ANKRD40: variants seen among roughly 807,000 people sequenced by gnomAD.
The protein encoded by ANKRD40 is ankyrin repeat domain 40, also known as ankyrin repeat domain-containing protein 40.
ANKRD40 carries 24 observed loss-of-function variants against 35.5 expected under a neutral mutation model. That is an observed-to-expected ratio of 0.68 (90% confidence interval 0.49 to 0.95). ANKRD40 has a LOEUF of 0.95. Among genes scored for constraint, ANKRD40 ranks in the 40% least tolerant of loss-of-function variants. ANKRD40 has a pLI of 0.00. For synonymous variants in ANKRD40, 147 were observed against 173.5 expected (o/e 0.85, Z 1.20); for missense variants, 361 against 436.0 (o/e 0.83, Z 1.53).
chr17:50,700,780 A>G (rs1373619594), intron 1 of ANKRD40, 64 bp from the exon 2 acceptor site: 1 of 1,493,066 alleles, frequency 6.7e-7, no homozygotes, highest in African/African-American at 1.4e-5. Flanking sequence ...GATTCTAAAC[A>G]TTAGTAAATA....
rs1450918444 is a variant in ANKRD40, at chr17:50,694,258, T to C, written c.*1739A>G. On this transcript the variant is annotated 3_prime_UTR_variant, in exon 5 of 5. Transcript: ENST00000285243. ...GGGTGAGTAAGTCACCAGCAGTAATTGGTGGGATACAATTAAGTCACTAAA... is the reference window on the plus strand; with the variant it reads ...GGGTGAGTAAGTCACCAGCAGTAATCGGTGGGATACAATTAAGTCACTAAA... The C allele has an allele frequency of 1.3e-5, 2 of 152,038 alleles. No homozygotes were observed. Among genetic ancestry groups the C allele is most frequent in the African/African-American group, 4.8e-5 (2 of 41,356 alleles). The allele number at this position is 152,038 out of a possible 1,614,324, so 9.4% of individuals were successfully genotyped here.
At chr17:50,700,463 A>AAAAG in intron 2 of ANKRD40, 105 bp downstream of exon 2, 1 of 1,231,072 alleles carries the variant, frequency 8.1e-7, no homozygotes. Context: ...AAAAAAAAGA[A>AAAAG]AGAAATAGAG....
At chr17:50,701,557 G>A (rs755697736) in intron 1 of ANKRD40, among the ~76,000 whole-genome samples, 1 of 152,204 alleles carries the variant, frequency 6.6e-6, no homozygotes, top group Non-Finnish European at 1.5e-5. Context: ...TAATTAGCAT[G>A]CCAGCAAAAA....
At chr17:50,700,077 A>G (rs78012840) in intron 2 of ANKRD40, among the ~76,000 whole-genome samples, 184 bp from the exon 3 acceptor site, 1 of 152,340 alleles carries the variant, frequency 6.6e-6, no homozygotes, top group East Asian at 1.9e-4. Context: ...AAATAAAAAA[A>G]TAAAACCTTA....
intron 3 of ANKRD40, among the ~76,000 whole-genome samples, chr17:50,698,550 T>C (rs1356618254): frequency 1.3e-5 from 2 of 151,872 alleles, no homozygotes; most frequent in African/African-American, 4.8e-5. Context: ...AGATCAAAAA[T>C]GATAAAGGGT....
At position 50,700,574 on chromosome 17, in the gene ANKRD40, TA is replaced by T; in HGVS notation, c.276del (p.Met93TrpfsTer19). On this transcript the variant is annotated frameshift_variant, in exon 2 of 5. Transcript: ENST00000285243. LOFTEE classifies it high-confidence loss of function. ...CCCCCAAACACAGACTCACCTCCCA[TA>T]ATCTTCCTGATTTCTCTCCTTGATG... is the stretch of plus-strand genomic sequence containing the variant. Reference protein sequence around the residue: ...QLTSRREIRKIMGVEEEDDDD... With the variant: ...QLTSRREIRKXMGVEEEDDDD... 3.7e-6 allele frequency: 6 copies of T among 1,612,646 alleles called. No individual in the cohort carries two copies. Among genetic ancestry groups the T allele is most frequent in the Non-Finnish European group, 5.1e-6 (6 of 1,179,090 alleles).
intron 1 of ANKRD40, among the ~76,000 whole-genome samples, chr17:50,705,570 A>T (rs980290409): frequency 6.6e-6 from 1 of 152,018 alleles, no homozygotes; most frequent in Non-Finnish European, 1.5e-5. Context: ...GCTGGTCTCA[A>T]ACTTCTGGAC....
rs958674369 is a variant in ANKRD40, at chr17:50,695,284, C to T, written c.*713G>A. On this transcript the variant is annotated 3_prime_UTR_variant, in exon 5 of 5. Transcript: ENST00000285243. ...GCATCAGAGAGCCCTCTAGTGACCACGAAGGGGAGTTAATGCAGAGATGAC... is the reference window on the plus strand; with the variant it reads ...GCATCAGAGAGCCCTCTAGTGACCATGAAGGGGAGTTAATGCAGAGATGAC... The T allele has an allele frequency of 2.0e-5, 3 of 152,042 alleles. No individual in the cohort carries two copies. Among genetic ancestry groups the T allele is most frequent in the East Asian group, 1.9e-4 (1 of 5,198 alleles). 9.4% of individuals were successfully genotyped at this position (152,042 alleles called of 1,614,324 possible). A position where few individuals can be genotyped will look rare whatever the true frequency, so the allele number is the denominator to read the frequency against.
intron 3 of ANKRD40, 70 bp downstream of exon 3, chr17:50,699,329 C>A: frequency 6.5e-7 from 1 of 1,547,200 alleles, no homozygotes; most frequent in African/African-American, 1.4e-5. Flanking sequence ...ACCCAGAATA[C>A]CTCATTAAAT....
At chr17:50,706,068 T>G (rs749635003) in intron 1 of ANKRD40, among the ~76,000 whole-genome samples, 46 of 152,062 alleles carry the variant, frequency 3.0e-4, no homozygotes, top group Non-Finnish European at 1.3e-4. Flanking sequence ...CTCTCTCCAT[T>G]GTCCCTTTCA....
At chr17:50,701,303 G>A (rs1968269156) in intron 1 of ANKRD40, among the ~76,000 whole-genome samples, 1 of 152,050 alleles carries the variant, frequency 6.6e-6, no homozygotes, top group Admixed American at 6.5e-5. Flanking sequence ...TTAAAAAGTT[G>A]GCTTCTCTAG....
Position 50,694,230 on chromosome 17 carries a change from C to G in ANKRD40, c.*1767G>C, listed in dbSNP as rs1364754107. ...TTCACTCTGCTATGCAAACACTGTA[C>G]AAGGGTGAGTAAGTCACCAGCAGTA... is the stretch of plus-strand genomic sequence containing the variant. On this transcript the variant is annotated 3_prime_UTR_variant, in exon 5 of 5. Coordinates refer to ENST00000285243, the MANE Select transcript of ANKRD40 (RefSeq NM_052855.4). 6.6e-6 allele frequency: 1 copy of G among 151,274 alleles called. No individual in the cohort carries two copies. The highest frequency in any genetic ancestry group is 1.5e-5 in the Non-Finnish European group (1 of 67,910). The allele number at this position is 151,274 out of a possible 1,614,324, so 9.4% of individuals were successfully genotyped here.
Position 50,707,420 on chromosome 17 carries a change from G to T in ANKRD40, c.134+101C>A. 1 of 1,498,510 alleles carries T rather than the reference G, an allele frequency of 6.7e-7. No individual in the cohort carries two copies. The highest frequency in any genetic ancestry group is 8.9e-7 in the Non-Finnish European group (1 of 1,117,980). 92.8% of individuals were successfully genotyped at this position (1,498,510 alleles called of 1,614,324 possible). A position where few individuals can be genotyped will look rare whatever the true frequency, so the allele number is the denominator to read the frequency against. ...TCGGAGGCCCGAGGTGGCAGGCCTC[G>T]CCGTAGCCAGGCGTCCCGCGCTGGG... On this transcript the variant is annotated intron_variant, in intron 1 of 4. Coordinates refer to ENST00000285243, the MANE Select transcript of ANKRD40 (RefSeq NM_052855.4). The surrounding 1 kb of genome is among the most constrained non-coding windows in gnomAD (Gnocchi z 4.8).
intron 1 of ANKRD40, among the ~76,000 whole-genome samples, chr17:50,705,648 C>G (rs1968325704): frequency 6.6e-6 from 1 of 150,596 alleles, no homozygotes; most frequent in South Asian, 2.1e-4. Flanking sequence ...CAGGTCCTAC[C>G]AGGAAGATAG....
chr17:50,707,555 C>T lies in ANKRD40; in HGVS notation c.100G>A (p.Val34Met). ...ACCTCATTTTGGGAGTTCACATCCA[C>T]CCCGCTCTCCACCAGTTTCTGCACC... Reference protein sequence around the residue: ...REVQKLVESGVDVNSQNEVNG... With the variant: ...REVQKLVESGMDVNSQNEVNG... The change falls in exon 1 of 5, where the codon GTG (valine) becomes ATG (methionine). Residue 34 changes from valine to methionine, a missense_variant. Val to Met is a conservative substitution (Grantham distance 21). Around this residue, in one of 5 missense-constraint regions of ANKRD40, gnomAD observed 56 missense variants for 47.1 expected, o/e 1.19. Coordinates refer to ENST00000285243, the MANE Select transcript of ANKRD40 (RefSeq NM_052855.4). This position sits in a 1 kb window ranked among gnomAD's most constrained non-coding sequence, Gnocchi z 4.8. 1.2e-6 allele frequency: 2 copies of T among 1,608,562 alleles called. No individual in the cohort carries two copies. Among genetic ancestry groups the T allele is most frequent in the Non-Finnish European group, 8.5e-7 (1 of 1,177,276 alleles).
intron 1 of ANKRD40, among the ~76,000 whole-genome samples, chr17:50,705,420 T>TAAAA (rs11459587): frequency 3.5e-5 from 5 of 141,538 alleles, no homozygotes; most frequent in Non-Finnish European, 7.7e-5. Context: ...CAAAGACCTG[T>TAAAA]AAAAAAAAAA....
At position 50,693,773 on chromosome 17, in the gene ANKRD40, T is replaced by C. The variant is rs1362801750; in HGVS notation, c.*2224A>G. 1 of 152,198 alleles carries C rather than the reference T, an allele frequency of 6.6e-6. No individual in the cohort carries two copies. The highest frequency in any genetic ancestry group is 2.4e-5 in the African/African-American group (1 of 41,452). The allele number at this position is 152,198 out of a possible 1,614,324, so 9.4% of individuals were successfully genotyped here. On this transcript the variant is annotated 3_prime_UTR_variant, in exon 5 of 5. Coordinates refer to ENST00000285243, the MANE Select transcript of ANKRD40 (RefSeq NM_052855.4). The stretch of plus-strand genomic sequence containing the variant: ...CTTAACTTTATTAGTAAACTGTAAC[T>C]GTTTTAGAAGTAAAGAAAAAAAAGG...
In ANKRD40 at chr17:50,707,642, G is replaced by C. The variant is rs1042056387; in HGVS notation, c.13C>G (p.Leu5Val). The C allele has an allele frequency of 6.4e-7, 1 of 1,572,638 alleles. No individual in the cohort carries two copies. Among genetic ancestry groups the C allele is most frequent in the Admixed American group, 1.8e-5 (1 of 55,390 alleles). The change falls in exon 1 of 5, where the codon CTA becomes GTA. Residue 5 changes from leucine to valine, a missense_variant. Coordinates refer to ENST00000285243, the MANE Select transcript of ANKRD40 (RefSeq NM_052855.4). The surrounding 1 kb of genome is among the most constrained non-coding windows in gnomAD (Gnocchi z 4.8). MNALLEQKEQQERLR... is the reference protein window; with the variant it reads MNALVEQKEQQERLR... Reference sequence around the variant, plus strand: ...CTCTCCTGCTGCTCCTTCTGCTCTAGGAGGGCGTTCATCTTCCCACAGCCC... The same window carrying C: ...CTCTCCTGCTGCTCCTTCTGCTCTACGAGGGCGTTCATCTTCCCACAGCCC...
chr17:50,707,765 G>T lies in ANKRD40; in HGVS notation c.-111C>A. ...GCTCCCGGCCATGGGGAGGGAGCGC[G>T]GAACTCGCCCGCCCTGCTCGCGCCG... On this transcript the variant is annotated 5_prime_UTR_variant, in exon 1 of 5. Transcript: ENST00000285243. The surrounding 1 kb of genome is among the most constrained non-coding windows in gnomAD (Gnocchi z 4.8). 9 of 773,998 alleles carry T rather than the reference G, an allele frequency of 1.2e-5. No homozygotes were observed. Among genetic ancestry groups the T allele is most frequent in the Non-Finnish European group, 1.5e-5 (9 of 615,654 alleles). The allele number at this position is 773,998 out of a possible 1,614,324, so 47.9% of individuals were successfully genotyped here. A position where few individuals can be genotyped will look rare whatever the true frequency, so the allele number is the denominator to read the frequency against.
Sources: gnomAD v4.1 joint callset for allele counts (sites outside exome capture counted in the v4.1 genomes callset) on GRCh38, gnomAD v4.1.1 for gene constraint, gnomAD v4.1.1 regional missense constraint, Gnocchi (gnomAD v3.1) non-coding constraint, MANE v1.5 for transcripts, NCBI Gene and HGNC (gene_info 2026-07-23, HGNC 2026-07-21) for gene names.